The following BCAS3 variants were observed in gnomAD, a reference collection of about 807,000 sequenced individuals.
BCAS3 encodes BCAS4/BCAS3 fusion.
BCAS3 carries 53 observed loss-of-function variants against 116.1 expected under a neutral mutation model. The ratio of observed to expected loss-of-function variants is 0.46; its 90% confidence interval spans 0.37 to 0.57. The LOEUF is 0.57. Among genes scored for constraint, BCAS3 ranks in the 20% least tolerant of loss-of-function variants. The pLI is 0.00. For synonymous variants in BCAS3, 391 were observed against 408.2 expected (o/e 0.96, Z 0.51); for missense variants, 917 against 1,165.4 (o/e 0.79, Z 3.10).
rs2051625207 is a variant in BCAS3 at position 61,285,098 on chromosome 17, TC to T, written c.2426-83225del. Among the ~76,000 whole-genome samples, 1 of 152,128 alleles carries T rather than the reference TC, an allele frequency of 6.6e-6. No individual in the cohort carries two copies. The highest frequency in any genetic ancestry group is 1.5e-5 in the Non-Finnish European group (1 of 68,032). ...GATGCTAACCTCGGGGTCTCTTCTG[TC>T]CCCTAGTGATTCAAACCAGCTATCC... On this transcript the variant is annotated intron_variant, in intron 22 of 23. Transcript: ENST00000407086. This position sits in a 1 kb window ranked among gnomAD's most constrained non-coding sequence, Gnocchi z 5.4.
In BCAS3 at chr17:61,366,001, G is replaced by A. The variant is rs1236349625; in HGVS notation, c.2426-2326G>A. Among the ~76,000 whole-genome samples, 1 of 152,062 alleles carries A rather than the reference G, an allele frequency of 6.6e-6. No homozygotes were observed. The highest frequency in any genetic ancestry group is 1.5e-5 in the Non-Finnish European group (1 of 68,022). On this transcript the variant is annotated intron_variant, in intron 22 of 23. Transcript: ENST00000407086. The surrounding 1 kb of genome is among the most constrained non-coding windows in gnomAD (Gnocchi z 4.5). ...CTACTAAAAACACAAAAATTAGCCA[G>A]GCATGATGGCACATGCTTGTAGTCC...
chr17:61,079,164 G>T (rs747225834), intron 21 of BCAS3, among the ~76,000 whole-genome samples: 9 of 151,260 alleles, frequency 6.0e-5, no homozygotes, highest in Non-Finnish European at 1.0e-4. Flanking sequence ...GACACATTAG[G>T]GTGCAACAGA....
At chr17:60,686,859 A>T (rs886535163) in intron 3 of BCAS3, among the ~76,000 whole-genome samples, 1 of 152,190 alleles carries the variant, frequency 6.6e-6, no homozygotes, top group Non-Finnish European at 1.5e-5. Context: ...TCAACAAAGA[A>T]AAAGTTGAAG....
intron 22 of BCAS3, among the ~76,000 whole-genome samples, chr17:61,274,817 T>C (rs2050632501): frequency 6.6e-6 from 1 of 152,164 alleles, no homozygotes; most frequent in Non-Finnish European, 1.5e-5. Context: ...TTTCTATTGC[T>C]AGGAAACATA....
intron 16 of BCAS3, among the ~76,000 whole-genome samples, chr17:61,030,110 T>C (rs2066523474): frequency 6.6e-6 from 1 of 152,150 alleles, no homozygotes; most frequent in Non-Finnish European, 1.5e-5. Context: ...TTTTTTCTTT[T>C]ATAGAAAGCT....
In BCAS3 at chr17:61,034,923, T is replaced by C; in HGVS notation, c.1762+133T>C. ...CAATTTTTTTAATGTAATTAGCATG[T>C]CACTTCTCAACTACTCAAGCCTAGT... On this transcript the variant is annotated intron_variant, in intron 17 of 23. Coordinates refer to ENST00000407086, the MANE Select transcript of BCAS3 (RefSeq NM_017679.5). The surrounding 1 kb of genome is among the most constrained non-coding windows in gnomAD (Gnocchi z 5.0). 1 of 783,896 alleles carries C rather than the reference T, an allele frequency of 1.3e-6. No individual in the cohort carries two copies. Among genetic ancestry groups the C allele is most frequent in the Non-Finnish European group, 2.0e-6 (1 of 501,430 alleles). The allele number at this position is 783,896 out of a possible 1,614,324, so 48.6% of individuals were successfully genotyped here.
chr17:61,047,694 A>G (rs937849138), intron 19 of BCAS3, among the ~76,000 whole-genome samples: 1 of 152,060 alleles, frequency 6.6e-6, no homozygotes, highest in Non-Finnish European at 1.5e-5. Flanking sequence ...GTAAATACCA[A>G]CCAGCTTTGA....
chr17:60,865,335 G>A (rs901411988), intron 7 of BCAS3, among the ~76,000 whole-genome samples: 1 of 152,130 alleles, frequency 6.6e-6, no homozygotes, highest in African/African-American at 2.4e-5. Context: ...AGGCCTGGTA[G>A]GATTTTGATT....
intron 6 of BCAS3, among the ~76,000 whole-genome samples, chr17:60,801,763 T>C (rs1220356073): frequency 6.6e-6 from 1 of 152,184 alleles, no homozygotes; most frequent in African/African-American, 2.4e-5. Flanking sequence ...GTCTGTTTCA[T>C]GTACTGTGCT....
intron 7 of BCAS3, among the ~76,000 whole-genome samples, chr17:60,845,905 C>T (rs1190883729): frequency 6.7e-6 from 1 of 150,072 alleles, no homozygotes; most frequent in East Asian, 2.0e-4. Context: ...AAGCTGGGCC[C>T]ACAGGTATGT....
intron 6 of BCAS3, among the ~76,000 whole-genome samples, chr17:60,780,106 C>G (rs373950671): frequency 6.6e-6 from 1 of 151,342 alleles, no homozygotes; most frequent in African/African-American, 2.4e-5. Context: ...TCTTCTGCCT[C>G]GGCTCCCCCG....
At chr17:60,790,167 C>T (rs983468453) in intron 6 of BCAS3, among the ~76,000 whole-genome samples, 1 of 152,050 alleles carries the variant, frequency 6.6e-6, no homozygotes, top group African/African-American at 2.4e-5. Flanking sequence ...GTATTATGTG[C>T]CTGATCTAGA....
chr17:61,036,169 A>AT (rs1428916744), intron 17 of BCAS3: 1 of 152,108 alleles, frequency 6.6e-6, no homozygotes, highest in Non-Finnish European at 1.5e-5. Flanking sequence ...GAATGTTATG[A>AT]TTTTCCCCTT....
chr17:60,988,305 G>T (rs1325986569), intron 14 of BCAS3, among the ~76,000 whole-genome samples: 7 of 98,130 alleles, frequency 7.1e-5, no homozygotes, highest in Non-Finnish European at 1.4e-4. Context: ...GTCTGGTCTT[G>T]TCTTTTCTTT....
At chr17:61,018,813 T>A (rs1207424720) in intron 16 of BCAS3, among the ~76,000 whole-genome samples, 1 of 152,182 alleles carries the variant, frequency 6.6e-6, no homozygotes, top group African/African-American at 2.4e-5. Context: ...TGTAGTACAG[T>A]TATCAGAAGA....
intron 22 of BCAS3, among the ~76,000 whole-genome samples, chr17:61,359,651 C>T (rs560108459): frequency 6.6e-6 from 1 of 152,246 alleles, no homozygotes; most frequent in Admixed American, 6.5e-5. Context: ...CCACCATGCC[C>T]AGCTAATTTT....
At chr17:60,798,672 A>C (rs73990987) in intron 6 of BCAS3, among the ~76,000 whole-genome samples, 4,636 of 152,312 alleles carry the variant, frequency 0.03, 206 homozygotes, top group African/African-American at 0.1. Context: ...TGTGCGGACA[A>C]ACGTCTTCAG....
intron 7 of BCAS3, among the ~76,000 whole-genome samples, chr17:60,812,231 T>G (rs939858337): frequency 4.6e-5 from 7 of 152,290 alleles, no homozygotes; most frequent in African/African-American, 1.7e-4. Flanking sequence ...TCTCTTAAAT[T>G]CTTTGGGGAG....
intron 16 of BCAS3, among the ~76,000 whole-genome samples, chr17:61,033,117 G>A (rs2066764047): frequency 6.6e-6 from 1 of 152,142 alleles, no homozygotes; most frequent in South Asian, 2.1e-4. Context: ...TGGGGCTGAG[G>A]GCCATATAGA....
Sources: gnomAD v4.1 joint callset for allele counts (sites outside exome capture counted in the v4.1 genomes callset) on GRCh38, gnomAD v4.1.1 for gene constraint, Gnocchi (gnomAD v3.1) non-coding constraint, MANE v1.5 for transcripts, NCBI Gene and HGNC (gene_info 2026-07-23, HGNC 2026-07-21) for gene names.